INTS14: variants seen among roughly 807,000 people sequenced by gnomAD.
INTS14 encodes integrator complex subunit 14.
Under a neutral mutation model 56.9 loss-of-function variants are expected in INTS14, and 27 were observed. That is an observed-to-expected ratio of 0.47 (90% CI 0.35 to 0.65). The LOEUF (loss-of-function observed/expected upper bound fraction) is 0.65. Among genes scored for constraint, INTS14 ranks in the 30% least tolerant of loss-of-function variants. The probability of loss-of-function intolerance (pLI) is 0.00; values close to 1 mark genes in which losing one functional copy is unlikely to be tolerated. For synonymous variants in INTS14, 207 were observed against 236.2 expected, an observed-to-expected ratio of 0.88 and a Z score of 1.13; for missense variants, 517 against 632.2, an observed-to-expected ratio of 0.82 and a Z score of 1.95.
chr15:65,605,060 G>A (rs931234436), intron 3 of INTS14, 69 bp downstream of exon 3: 2 of 1,140,530 alleles, frequency 1.8e-6, no homozygotes, highest in Admixed American at 3.4e-5. Context: ...GTCAGAGCCT[G>A]AAGAAAATCG....
rs1282355393 is a variant in INTS14 at position 65,600,260 on chromosome 15, A to G, written c.331-331T>C. Among the ~76,000 whole-genome samples, 3 of 146,154 alleles carry G rather than the reference A, an allele frequency of 2.1e-5. No homozygotes were observed. In the East Asian group the frequency reaches 6.4e-4, roughly 31 times the overall value. On this transcript the variant is annotated intron_variant, in intron 3 of 11. Transcript: ENST00000313182. ...TGGGAGGTCAAGGCTGCAGTGAGCC[A>G]TGGTCACATCACTGTACTCCAGCCT...
chr15:65,595,930 T>C, intron 6 of INTS14, 105 bp from the exon 7 acceptor site: 1 of 790,668 alleles, frequency 1.3e-6, no homozygotes, highest in South Asian at 2.0e-5. Flanking sequence ...GGGTTTCAAA[T>C]ATGATGACTG....
intron 1 of INTS14, among the ~76,000 whole-genome samples, chr15:65,609,305 G>T (rs972242515): frequency 6.6e-6 from 1 of 151,968 alleles, no homozygotes; most frequent in Admixed American, 6.6e-5. Flanking sequence ...CTGGTTCATG[G>T]AAACAATGTT....
chr15:65,593,719 T>C, intron 7 of INTS14, 147 bp from the exon 8 acceptor site: 1 of 957,368 alleles, frequency 1.0e-6, no homozygotes, highest in Non-Finnish European at 1.4e-6. Context: ...CTCATTCCAG[T>C]TTTCCAATAT....
At chr15:65,590,999 G>A (rs1014012887) in intron 9 of INTS14, among the ~76,000 whole-genome samples, 3 of 152,138 alleles carry the variant, frequency 2.0e-5, no homozygotes, top group African/African-American at 7.2e-5. Flanking sequence ...ATCCAACTAG[G>A]AACTGGAAAT....
rs767763188 is a variant in INTS14 at position 65,607,210 on chromosome 15, T to C, written c.171A>G (p.Ser57=). Reference sequence around the variant, plus strand: ...AGGGGACCATCAACTCCCAAAGTGATGAAAAAACCACAAGTGCTGTAAATT... The same window carrying C: ...AGGGGACCATCAACTCCCAAAGTGACGAAAAAACCACAAGTGCTGTAAATT... ...KLEFTALVVF[S]SLWELMVPFT... The change falls in exon 2 of 12, where the codon TCA becomes TCG. Residue 57 remains serine (S), a synonymous_variant. Coordinates refer to ENST00000313182, the MANE Select transcript of INTS14 (RefSeq NM_001394796.1). 6 of 1,614,180 alleles carry C rather than the reference T, an allele frequency of 3.7e-6. No individual in the cohort carries two copies. The Admixed American group carries it at 1.0e-4, about 27-fold the overall frequency.
chr15:65,604,798 C>T (rs1291584931), intron 3 of INTS14, among the ~76,000 whole-genome samples: 1 of 150,248 alleles, frequency 6.7e-6, no homozygotes, highest in Non-Finnish European at 1.5e-5. Context: ...CTATATTATA[C>T]TGATGTTTAC....
chr15:65,582,060 T>A, intron 10 of INTS14, 41 bp from the exon 11 acceptor site: 1 of 1,529,180 alleles, frequency 6.5e-7, no homozygotes, highest in Non-Finnish European at 8.9e-7. Flanking sequence ...TAGAATTCTG[T>A]GGTAAAAAAG....
rs1253273015 is a variant in INTS14, at chr15:65,579,517, G to A, written c.1448C>T (p.Ala483Val). The change falls in exon 12 of 12, where the codon GCC (alanine) becomes GTC (valine). Residue 483 changes from alanine to valine, a missense_variant. Coordinates refer to ENST00000313182, the MANE Select transcript of INTS14 (RefSeq NM_001394796.1). ...PDAAFQLTHA[A>V]QQLKLASTGT... ...GGTACTGGCCAGCTTGAGCTGCTGGGCAGCATGGGTCAGCTGGAATGCAGC... is the reference window on the plus strand; with the variant it reads ...GGTACTGGCCAGCTTGAGCTGCTGGACAGCATGGGTCAGCTGGAATGCAGC... 2 of 1,614,212 alleles carry A rather than the reference G, an allele frequency of 1.2e-6. No homozygotes were observed. Among genetic ancestry groups the A allele is most frequent in the Admixed American group, 1.7e-5 (1 of 60,022 alleles).
intron 1 of INTS14, 96 bp from the exon 2 acceptor site, chr15:65,607,538 C>T: frequency 1.5e-6 from 2 of 1,368,460 alleles, no homozygotes; most frequent in Non-Finnish European, 2.0e-6. Context: ...CAGAGGCAAA[C>T]ACCATTTAAG....
Position 65,579,608 on chromosome 15 carries a change from G to A in INTS14, c.1357C>T (p.Leu453=). Reference sequence around the variant, plus strand: ...TCCAGCATGTCAGCCACCCCTTTCAGCAGGTCCAGGAAACCAAAGGCTAGA... The same window carrying A: ...TCCAGCATGTCAGCCACCCCTTTCAACAGGTCCAGGAAACCAAAGGCTAGA... ...AALAFGFLDL[L]KGVADMLERE... Residue 453 remains leucine (L), a synonymous_variant, in exon 12 of 12, where the codon CTG becomes TTG. Coordinates refer to ENST00000313182, the MANE Select transcript of INTS14 (RefSeq NM_001394796.1). 1 of 1,614,118 alleles carries A rather than the reference G, an allele frequency of 6.2e-7. No individual in the cohort carries two copies. The highest frequency in any genetic ancestry group is 8.5e-7 in the Non-Finnish European group (1 of 1,179,960).
chr15:65,601,068 T>C lies in INTS14; in HGVS notation c.331-1139A>G, dbSNP rs116613735. Among the ~76,000 whole-genome samples the C allele has an allele frequency of 7.6e-3, 1,160 of 152,352 alleles. 13 individuals carry two copies. Among genetic ancestry groups the C allele is most frequent in the South Asian group, 0.046 (221 of 4,826 alleles). ...CTTTATTTTCAAAGATGACAAACTC[T>C]ACGCCTGGTCAACTAAAATGACACC... is the stretch of plus-strand genomic sequence containing the variant. On this transcript the variant is annotated intron_variant, in intron 3 of 11. Transcript: ENST00000313182.
chr15:65,594,600 TAC>T (rs2073148628), intron 7 of INTS14, among the ~76,000 whole-genome samples: 1 of 150,694 alleles, frequency 6.6e-6, no homozygotes, highest in African/African-American at 2.4e-5. Flanking sequence ...GATGGGGTTT[TAC>T]CATGTTAGTC....
intron 9 of INTS14, 117 bp downstream of exon 9, chr15:65,591,481 A>G: frequency 6.6e-6 from 9 of 1,368,172 alleles, no homozygotes; most frequent in Non-Finnish European, 8.9e-6. Flanking sequence ...GCATCATCCG[A>G]GACCATGGCA....
rs368714849 is a variant in INTS14, at chr15:65,579,692, G to A, written c.1306-33C>T. The A allele has an allele frequency of 1.5e-4, 245 of 1,601,218 alleles. No homozygotes were observed. The African/African-American group carries it at 2.9e-3, about 19-fold the overall frequency. ...AAGACAGAAAATCACCAATGCTCCT[G>A]AAATGTGTTCCTAACACATACTTTC... On this transcript the variant is annotated intron_variant, in intron 11 of 11. Coordinates refer to ENST00000313182, the MANE Select transcript of INTS14 (RefSeq NM_001394796.1).
At chr15:65,594,518 G>A (rs940779618) in intron 7 of INTS14, among the ~76,000 whole-genome samples, 85 of 148,732 alleles carry the variant, frequency 5.7e-4, no homozygotes, top group African/African-American at 2.1e-3. Flanking sequence ...TCAGCCTCCC[G>A]AGTAGCTGGG....
Position 65,579,376 on chromosome 15 carries a change from T to A in INTS14, c.*32A>T. On this transcript the variant is annotated 3_prime_UTR_variant, in exon 12 of 12. Transcript: ENST00000313182. ...TTACCTAAAGCATTTTCAGTTGAAA[T>A]GAAAAAAGAAGGAAAGCTCCAAAAG... The A allele has an allele frequency of 1.9e-6, 3 of 1,596,376 alleles. 1 individual carries two copies. In the East Asian group the frequency reaches 6.8e-5, roughly 36 times the overall value.
Position 65,601,911 on chromosome 15 carries a change from C to T in INTS14, c.331-1982G>A, listed in dbSNP as rs551117929. Among the ~76,000 whole-genome samples the T allele has an allele frequency of 6.6e-5, 10 of 152,246 alleles. No individual in the cohort carries two copies. In the South Asian group the frequency reaches 2.1e-3, roughly 32 times the overall value. On this transcript the variant is annotated intron_variant, in intron 3 of 11. Coordinates refer to ENST00000313182, the MANE Select transcript of INTS14 (RefSeq NM_001394796.1). ...TTTACTAAATAATAAAGACACAGTACAGCTGTCTAAAACCTTGGTTAAGGC... is the reference window on the plus strand; with the variant it reads ...TTTACTAAATAATAAAGACACAGTATAGCTGTCTAAAACCTTGGTTAAGGC...
intron 7 of INTS14, among the ~76,000 whole-genome samples, chr15:65,594,302 A>G (rs1356923662): frequency 6.6e-6 from 1 of 152,132 alleles, no homozygotes; most frequent in Non-Finnish European, 1.5e-5. Context: ...AAGACTTTCT[A>G]ATTCAACAGG....
Sources: gnomAD v4.1 joint callset for allele counts (sites outside exome capture counted in the v4.1 genomes callset) on GRCh38, gnomAD v4.1.1 for gene constraint, MANE v1.5 for transcripts, NCBI Gene and HGNC (gene_info 2026-07-23, HGNC 2026-07-21) for gene names.